ACYP2: variants seen among roughly 807,000 people sequenced by gnomAD.
ACYP2 encodes acylphosphatase-2.
A neutral mutation model predicts 11.2 loss-of-function variants in ACYP2; 12 were observed. That is an observed-to-expected ratio of 1.08 (90% CI 0.69 to 1.74). ACYP2 has a LOEUF of 1.74. Ranked by LOEUF, ACYP2 falls within the 40% of genes most tolerant of loss-of-function variation. The probability of loss-of-function intolerance (pLI) is 0.00; values close to 1 mark genes in which losing one functional copy is unlikely to be tolerated. For synonymous variants in ACYP2, 43 were observed against 32.2 expected, an observed-to-expected ratio of 1.33 and a Z score of -1.13; for missense variants, 134 against 101.9, an observed-to-expected ratio of 1.31 and a Z score of -1.35.
chr2:54,170,179 C>G (rs1683164892), intron 6 of ACYP2, among the ~76,000 whole-genome samples: 1 of 152,070 alleles, frequency 6.6e-6, no homozygotes, highest in African/African-American at 2.4e-5. Flanking sequence ...TTGAGACAGA[C>G]TCTCACTCTG....
chr2:54,182,047 ATTTTT>A lies in ACYP2; in HGVS notation c.404+43321_404+43325del, dbSNP rs35145998. On this transcript the variant is annotated intron_variant, in intron 6 of 6. Coordinates refer to ENST00000607452, the MANE Select transcript of ACYP2 (RefSeq NM_001320586.2). ...AAAGAAAACAGAAAAATAGAAGATAATTTTTTTTTTTTTTTTTTTTTTTTTTGGTT... is the reference window on the plus strand; with the variant it reads ...AAAGAAAACAGAAAAATAGAAGATAATTTTTTTTTTTTTTTTTTTTTGGTT... 2.7e-3 allele frequency among the ~76,000 whole-genome samples: 221 copies of A among 83,062 alleles called. 1 individual carries two copies. The highest frequency in any genetic ancestry group is 0.011 in the African/African-American group (211 of 19,360). 54.5% of individuals were successfully genotyped at this position (83,062 alleles called of 152,430 possible).
intron 6 of ACYP2, among the ~76,000 whole-genome samples, chr2:54,252,136 C>T (rs1031314360): frequency 6.6e-6 from 1 of 152,186 alleles, no homozygotes. Flanking sequence ...TTAGTTTTAC[C>T]TGCTGTTACA....
intron 6 of ACYP2, among the ~76,000 whole-genome samples, chr2:54,193,767 G>A (rs1036900905): frequency 1.3e-5 from 2 of 152,122 alleles, no homozygotes; most frequent in Non-Finnish European, 2.9e-5. Context: ...CAAAATGGCA[G>A]CAATTTTTGT....
chr2:54,277,516 A>G (rs62140507), intron 6 of ACYP2, among the ~76,000 whole-genome samples: 41,412 of 151,788 alleles, frequency 0.27, 6,799 homozygotes, highest in African/African-American at 0.46. Context: ...CGTCTCTACT[A>G]AAAATACAAA....
At chr2:54,247,807 A>C (rs1687029317) in intron 6 of ACYP2, among the ~76,000 whole-genome samples, 3 of 152,244 alleles carry the variant, frequency 2.0e-5, no homozygotes, top group African/African-American at 7.2e-5. Context: ...CTCTGGAGTC[A>C]GATAGACTTG....
At chr2:54,210,758 T>A (rs1040452429) in intron 6 of ACYP2, among the ~76,000 whole-genome samples, 28 of 151,946 alleles carry the variant, frequency 1.8e-4, no homozygotes, top group African/African-American at 6.5e-4. Flanking sequence ...ACTCTGCCAG[T>A]GAATAGTCTT....
At chr2:54,136,716 C>T (rs945235393) in intron 5 of ACYP2, among the ~76,000 whole-genome samples, 1 of 152,136 alleles carries the variant, frequency 6.6e-6, no homozygotes, top group Non-Finnish European at 1.5e-5. Context: ...TGGCTCGCGC[C>T]TGTAATCCCA....
chr2:54,300,696 C>T lies in ACYP2; in HGVS notation c.405-3992C>T, dbSNP rs145705827. Among the ~76,000 whole-genome samples the T allele has an allele frequency of 3.1e-3, 470 of 152,308 alleles. 5 individuals carry two copies. The highest frequency in any genetic ancestry group is 4.0e-3 in the Non-Finnish European group (270 of 68,030). Reference sequence around the variant, plus strand: ...TTCCTGCATGCTAATCATCTCAGAGCCTGTATCCCAGGGTACCCTCCTTAT... The same window carrying T: ...TTCCTGCATGCTAATCATCTCAGAGTCTGTATCCCAGGGTACCCTCCTTAT... On this transcript the variant is annotated intron_variant, in intron 6 of 6. Transcript: ENST00000607452.
chr2:54,086,789 A>G (rs1182326602), intron 4 of ACYP2, among the ~76,000 whole-genome samples: 2 of 152,248 alleles, frequency 1.3e-5, no homozygotes, highest in Non-Finnish European at 2.9e-5. Flanking sequence ...GTTCCCATTT[A>G]AACTGAAGGA....
chr2:53,973,907 A>ATTTTTTTTTTTTTTTT (rs1205008152), intron 2 of ACYP2: 1 of 41,194 alleles, frequency 2.4e-5, no homozygotes, highest in Non-Finnish European at 4.6e-5. Context: ...GTGTGTATAT[A>ATTTTTTTTTTTTTTTT]TTTTTTTTTT....
chr2:54,096,205 C>A (rs865973223), intron 4 of ACYP2, among the ~76,000 whole-genome samples: 2 of 144,498 alleles, frequency 1.4e-5, no homozygotes, highest in African/African-American at 2.7e-5. Context: ...ACGGGGCGGC[C>A]GGGCAGAGAC....
intron 2 of ACYP2, among the ~76,000 whole-genome samples, chr2:54,049,030 T>G (rs1339948904): frequency 1.3e-5 from 2 of 152,134 alleles, no homozygotes; most frequent in African/African-American, 2.4e-5. Context: ...ATTCCAGCAC[T>G]TTGGCAGGCT....
intron 2 of ACYP2, among the ~76,000 whole-genome samples, chr2:54,001,585 G>T (rs1257344427): frequency 6.6e-6 from 1 of 152,018 alleles, no homozygotes; most frequent in Non-Finnish European, 1.5e-5. Flanking sequence ...GTAGAGATAG[G>T]GTTTCACTAT....
intron 2 of ACYP2, among the ~76,000 whole-genome samples, chr2:54,024,460 C>T (rs1294444228): frequency 2.6e-5 from 4 of 152,086 alleles, no homozygotes; most frequent in Non-Finnish European, 4.4e-5. Flanking sequence ...ATGTGATACA[C>T]CACATAAACA....
chr2:54,124,779 C>G (rs929468705), intron 4 of ACYP2, among the ~76,000 whole-genome samples: 1 of 152,196 alleles, frequency 6.6e-6, no homozygotes, highest in Non-Finnish European at 1.5e-5. Context: ...CAGCTCACTG[C>G]AATCTCGACC....
At chr2:54,230,684 C>T (rs990168856) in intron 6 of ACYP2, among the ~76,000 whole-genome samples, 2 of 151,236 alleles carry the variant, frequency 1.3e-5, no homozygotes, top group Admixed American at 6.6e-5. Flanking sequence ...TATCTTTAAC[C>T]TGAACATTCC....
At chr2:54,294,135 T>G (rs775090460) in intron 6 of ACYP2, among the ~76,000 whole-genome samples, 4 of 152,176 alleles carry the variant, frequency 2.6e-5, no homozygotes, top group Non-Finnish European at 5.9e-5. Context: ...CCACCCCACT[T>G]TAGTCCCAGG....
At chr2:54,001,712 G>C (rs923142891) in intron 2 of ACYP2, among the ~76,000 whole-genome samples, 1 of 152,154 alleles carries the variant, frequency 6.6e-6, no homozygotes, top group Non-Finnish European at 1.5e-5. Flanking sequence ...TTATTTCTGC[G>C]TCCTATTCCT....
chr2:54,216,569 G>A lies in ACYP2; in HGVS notation c.404+77821G>A, dbSNP rs138047254. The stretch of plus-strand genomic sequence containing the variant: ...TTTTTTTTTTTTGAGACAGAGTATC[G>A]CTATGTCACCTAGGCTGGAACGCAG... On this transcript the variant is annotated intron_variant, in intron 6 of 6. Coordinates refer to ENST00000607452, the MANE Select transcript of ACYP2 (RefSeq NM_001320586.2). Among the ~76,000 whole-genome samples, 255 of 144,604 alleles carry A rather than the reference G, an allele frequency of 1.8e-3. 1 individual carries two copies. Among genetic ancestry groups the A allele is most frequent in the African/African-American group, 5.9e-3 (228 of 38,692 alleles). 94.9% of individuals were successfully genotyped at this position (144,604 alleles called of 152,430 possible). A position where few individuals can be genotyped will look rare whatever the true frequency, so the allele number is the denominator to read the frequency against.
Sources: gnomAD v4.1 joint callset for allele counts (sites outside exome capture counted in the v4.1 genomes callset) on GRCh38, gnomAD v4.1.1 for gene constraint, MANE v1.5 for transcripts, NCBI Gene and HGNC (gene_info 2026-07-23, HGNC 2026-07-21) for gene names.